CEP57L1: variants seen among roughly 807,000 people sequenced by gnomAD.
CEP57L1 encodes the protein centrosomal protein 57 like 1, also known as centrosomal protein CEP57L1.
In CEP57L1, 37 loss-of-function variants were observed where a neutral mutation model predicts 61.0. The ratio of observed to expected loss-of-function variants is 0.61; its 90% CI spans 0.47 to 0.80. The LOEUF is 0.80. Among genes scored for constraint, CEP57L1 ranks in the 30% least tolerant of loss-of-function variants. The pLI is 0.00. For missense variants in CEP57L1, 422 were observed against 524.7 expected, an observed-to-expected ratio of 0.80 and a Z score of 1.91; for synonymous variants, 137 against 162.3, an observed-to-expected ratio of 0.84 and a Z score of 1.19.
At chr6:109,161,024 A>G (rs1773674346) in intron 10 of CEP57L1, among the ~76,000 whole-genome samples, 1 of 152,154 alleles carries the variant, frequency 6.6e-6, no homozygotes, top group African/African-American at 2.4e-5. Context: ...TTACCCTTTT[A>G]GCATTCTTTT....
At chr6:109,136,205 C>G (rs543254162) in intron 1 of CEP57L1, among the ~76,000 whole-genome samples, 2 of 152,308 alleles carry the variant, frequency 1.3e-5, no homozygotes, top group South Asian at 4.1e-4. Flanking sequence ...GAAAATGTGG[C>G]ACATATACAC....
chr6:109,143,945 T>C (rs1049845236), intron 1 of CEP57L1, among the ~76,000 whole-genome samples: 3 of 152,142 alleles, frequency 2.0e-5, no homozygotes, highest in African/African-American at 7.2e-5. Flanking sequence ...ACCTCCACTT[T>C]ATAGTGAGCC....
Position 109,165,439 on chromosome 6 carries a change from A to G in CEP57L1, c.*2469A>G, listed in dbSNP as rs996416223. On this transcript the variant is annotated 3_prime_UTR_variant, in exon 11 of 11. Transcript: ENST00000517392. ...CAAAAAAAAAAAAAAAATGTAGAACACATGTTTGCATGGGTTGAAGCCTAA... is the reference window on the plus strand; with the variant it reads ...CAAAAAAAAAAAAAAAATGTAGAACGCATGTTTGCATGGGTTGAAGCCTAA... Among the ~76,000 whole-genome samples the G allele has an allele frequency of 6.6e-6, 1 of 152,060 alleles. No individual in the cohort carries two copies. Among genetic ancestry groups the G allele is most frequent in the East Asian group, 1.9e-4 (1 of 5,188 alleles).
chr6:109,114,508 A>C (rs985323815), intron 1 of CEP57L1, among the ~76,000 whole-genome samples: 2 of 152,100 alleles, frequency 1.3e-5, no homozygotes, highest in Non-Finnish European at 2.9e-5. Context: ...AAAAAAAAAA[A>C]CAGGAAATTT....
intron 1 of CEP57L1, among the ~76,000 whole-genome samples, chr6:109,144,590 AAAC>A (rs924975086): frequency 6.6e-6 from 1 of 152,134 alleles, no homozygotes; most frequent in Non-Finnish European, 1.5e-5. Flanking sequence ...ACCAAAACAA[AAAC>A]AACAACAAAA....
chr6:109,131,618 G>T (rs1430103238), intron 1 of CEP57L1, among the ~76,000 whole-genome samples: 3 of 151,378 alleles, frequency 2.0e-5, no homozygotes, highest in African/African-American at 7.3e-5. Flanking sequence ...AAGCAATATG[G>T]CAGACTAGAT....
chr6:109,116,681 T>C (rs1314554569), intron 1 of CEP57L1, among the ~76,000 whole-genome samples: 3 of 152,166 alleles, frequency 2.0e-5, no homozygotes, highest in South Asian at 2.1e-4. Context: ...GTGAGAATTG[T>C]GACCTTCAGG....
chr6:109,119,389 T>A (rs1240251233), intron 1 of CEP57L1, among the ~76,000 whole-genome samples: 1 of 152,130 alleles, frequency 6.6e-6, no homozygotes, highest in Non-Finnish European at 1.5e-5. Flanking sequence ...GGACACCTAA[T>A]CAGTGGTGGT....
chr6:109,127,855 G>A (rs1374329926), intron 1 of CEP57L1, among the ~76,000 whole-genome samples: 1 of 151,050 alleles, frequency 6.6e-6, no homozygotes, highest in Non-Finnish European at 1.5e-5. Flanking sequence ...GTCTCAATCT[G>A]CTGACCTCGT....
intron 1 of CEP57L1, among the ~76,000 whole-genome samples, chr6:109,096,026 C>G (rs764032663): frequency 1.3e-5 from 2 of 152,112 alleles, no homozygotes; most frequent in Admixed American, 6.5e-5. Flanking sequence ...AAAAGAATCC[C>G]CAGTATTCCT....
chr6:109,115,650 A>G (rs1030303183), intron 1 of CEP57L1, among the ~76,000 whole-genome samples: 2 of 152,144 alleles, frequency 1.3e-5, no homozygotes, highest in African/African-American at 2.4e-5. Flanking sequence ...TTGATTATTT[A>G]TGATTTATGG....
At chr6:109,108,205 A>T (rs1771156877) in intron 1 of CEP57L1, among the ~76,000 whole-genome samples, 2 of 151,814 alleles carry the variant, frequency 1.3e-5, no homozygotes, top group Non-Finnish European at 2.9e-5. Context: ...ACCAAAGCTT[A>T]TAAGGACTAC....
At chr6:109,153,769 A>G in intron 4 of CEP57L1, 64 bp from the exon 5 acceptor site, 1 of 859,762 alleles carries the variant, frequency 1.2e-6, no homozygotes. Flanking sequence ...AAATTGTATT[A>G]TTCTTGTTCC....
intron 9 of CEP57L1, 103 bp from the exon 10 acceptor site, chr6:109,160,469 A>G: frequency 2.2e-6 from 2 of 891,636 alleles, no homozygotes; most frequent in Non-Finnish European, 3.5e-6. Context: ...TTAATATTTA[A>G]CTCTGACTAA....
intron 1 of CEP57L1, among the ~76,000 whole-genome samples, chr6:109,106,594 A>T (rs1173084971): frequency 6.6e-6 from 1 of 152,178 alleles, no homozygotes; most frequent in Non-Finnish European, 1.5e-5. Flanking sequence ...TTTTAAGTAT[A>T]GTAGTTTTTG....
intron 7 of CEP57L1, chr6:109,158,530 A>G (rs1027302513): frequency 2.4e-5 from 10 of 413,426 alleles, no homozygotes; most frequent in African/African-American, 2.1e-4. Context: ...GTTTTTAGCT[A>G]TTACAAATAA....
At chr6:109,100,672 C>CAAAA (rs539993641) in intron 1 of CEP57L1, among the ~76,000 whole-genome samples, 19 of 73,516 alleles carry the variant, frequency 2.6e-4, no homozygotes, top group African/African-American at 5.6e-4. Flanking sequence ...GAGATTGTCT[C>CAAAA]AAAAAAAAAA....
At chr6:109,103,245 C>T (rs1359975711) in intron 1 of CEP57L1, among the ~76,000 whole-genome samples, 1 of 152,138 alleles carries the variant, frequency 6.6e-6, no homozygotes, top group African/African-American at 2.4e-5. Context: ...TGTATAGTAG[C>T]ATAAGCAGTT....
At chr6:109,129,230 C>A in intron 1 of CEP57L1, 1 of 535,552 alleles carries the variant, frequency 1.9e-6, no homozygotes, top group Non-Finnish European at 2.6e-6. Flanking sequence ...TAACTGGAAA[C>A]TCCAAATCTA....
Sources: allele counts gnomAD v4.1 joint callset (sites outside exome capture counted in the v4.1 genomes callset), GRCh38; gene constraint gnomAD v4.1.1; transcripts MANE v1.5; gene names NCBI Gene and HGNC (gene_info 2026-07-23, HGNC 2026-07-21).